Variants in RADIL observed in about 807,000 individuals in gnomAD.
RADIL encodes the protein Rap associating with DIL domain, also known as ras-associating and dilute domain-containing protein.
A neutral mutation model predicts 97.6 loss-of-function variants in RADIL; 99 were observed. The ratio of observed to expected loss-of-function variants is 1.01; its 90% confidence interval spans 0.86 to 1.20. The LOEUF is 1.20. Among genes scored for constraint, RADIL ranks in the 50% most tolerant of loss-of-function variants. The pLI is 0.00. For missense variants in RADIL, 1,765 were observed against 1,498.9 expected (o/e 1.18, Z -2.93); for synonymous variants, 803 against 691.8 (o/e 1.16, Z -2.52).
chr7:4,848,511 C>T (rs1365765503), intron 2 of RADIL, among the ~76,000 whole-genome samples: 1 of 151,462 alleles, frequency 6.6e-6, no homozygotes, highest in Non-Finnish European at 1.5e-5. Flanking sequence ...TAAGGGAATG[C>T]GGAAATAATG....
In RADIL at chr7:4,880,794, C is replaced by T. The variant is rs1005541607; in HGVS notation, c.-64-2591G>A. Reference sequence around the variant, plus strand: ...AATACGATACCAAAAACTGGGGAAGCCCCCTCCAGGCAGGAGAAAGCCCAT... The same window carrying T: ...AATACGATACCAAAAACTGGGGAAGTCCCCTCCAGGCAGGAGAAAGCCCAT... On this transcript the variant is annotated intron_variant, in intron 1 of 14. Transcript: ENST00000399583. The surrounding 1 kb of genome is among the most constrained non-coding windows in gnomAD (Gnocchi z 4.5). Among the ~76,000 whole-genome samples, 2 of 152,166 alleles carry T rather than the reference C, an allele frequency of 1.3e-5. No homozygotes were observed. Among genetic ancestry groups the T allele is most frequent in the Admixed American group, 1.3e-4 (2 of 15,270 alleles).
chr7:4,806,307 G>A (rs1782306765), intron 9 of RADIL, among the ~76,000 whole-genome samples: 1 of 152,032 alleles, frequency 6.6e-6, no homozygotes, highest in Non-Finnish European at 1.5e-5. Context: ...GCACCATTAT[G>A]TCCAGCTCAT....
chr7:4,881,372 G>A (rs1482250043), intron 1 of RADIL, among the ~76,000 whole-genome samples: 1 of 142,274 alleles, frequency 7.0e-6, no homozygotes, highest in Admixed American at 7.4e-5. Context: ...CCAAGATCAT[G>A]CCACTGCACT....
intron 5 of RADIL, among the ~76,000 whole-genome samples, chr7:4,825,045 C>T (rs1209430640): frequency 6.6e-6 from 1 of 152,182 alleles, no homozygotes; most frequent in African/African-American, 2.4e-5. Flanking sequence ...CCAGCCCATC[C>T]TACCCAGGCC....
chr7:4,808,030 T>C (rs1048306638), intron 9 of RADIL, among the ~76,000 whole-genome samples: 4 of 65,478 alleles, frequency 6.1e-5, no homozygotes, highest in South Asian at 9.3e-4. Context: ...CCCTCCATCT[T>C]TCTCCGCTCC....
At chr7:4,836,292 C>A in intron 3 of RADIL, 66 bp downstream of exon 3, 3 of 1,547,072 alleles carry the variant, frequency 1.9e-6, no homozygotes, top group East Asian at 2.4e-5. Flanking sequence ...GAGGCCTTGA[C>A]TTCTGAGTCC....
chr7:4,799,893 G>A (rs75154011), intron 13 of RADIL, 124 bp from the exon 14 acceptor site: 17,520 of 1,351,414 alleles, frequency 0.013, 202 homozygotes, highest in South Asian at 0.035. Context: ...CCCACTCATG[G>A]TTTCACGCGT....
intron 9 of RADIL, chr7:4,809,015 TGCCCCCCCTTGTCCCCTTCCGACG>T (rs1782453342): frequency 4.6e-6 from 2 of 433,288 alleles, no homozygotes; most frequent in African/African-American, 1.3e-4. Flanking sequence ...CCGACGCCAC[TGCCCCCCCTTGTCCCCTTCCGACG>T]CCACTGCCCC....
In RADIL at chr7:4,813,074, T is replaced by TTCTCTC. The variant is rs201029653; in HGVS notation, c.2139+2198_2139+2203dup. On this transcript the variant is annotated intron_variant, in intron 9 of 14. Coordinates refer to ENST00000399583, the MANE Select transcript of RADIL (RefSeq NM_018059.5). This position sits in a 1 kb window ranked among gnomAD's most constrained non-coding sequence, Gnocchi z 5.0. ...TTCATCCTTACCCCAAGGTTCTTCT[T>TTCTCTC]TCTCTCTCTCTCTCTCTCTCTCTCT... Among the ~76,000 whole-genome samples, 146 of 147,794 alleles carry TTCTCTC rather than the reference T, an allele frequency of 9.9e-4. 1 individual carries two copies. Among genetic ancestry groups the TTCTCTC allele is most frequent in the East Asian group, 3.0e-3 (15 of 5,052 alleles).
intron 11 of RADIL, among the ~76,000 whole-genome samples, chr7:4,803,292 G>A (rs1316046276): frequency 1.0e-5 from 1 of 100,108 alleles, no homozygotes; most frequent in African/African-American, 4.7e-5. Context: ...CTCGGGGCAC[G>A]CTGGCTGGGT....
chr7:4,797,343 AG>A lies in RADIL; in HGVS notation c.*2034del, dbSNP rs141895466. The A allele has an allele frequency of 0.017, 2,546 of 152,380 alleles. 34 individuals are homozygous for A. The highest frequency in any genetic ancestry group is 0.058 in the Middle Eastern group (17 of 294). The allele number at this position is 152,380 out of a possible 1,614,324, so 9.4% of individuals were successfully genotyped here. A position where few individuals can be genotyped will look rare whatever the true frequency, so the allele number is the denominator to read the frequency against. On this transcript the variant is annotated 3_prime_UTR_variant, in exon 15 of 15. Coordinates refer to ENST00000399583, the MANE Select transcript of RADIL (RefSeq NM_018059.5). ...TGAAAATAGAAACCAAAGGCCCTTC[AG>A]TCTGGCTTGGAAGGTCCCAGAATAT...
intron 14 of RADIL, 60 bp from the exon 15 acceptor site, chr7:4,799,543 G>A (rs1782004529): frequency 1.2e-6 from 2 of 1,612,530 alleles, no homozygotes; most frequent in Non-Finnish European, 1.7e-6. Context: ...CCCACAGGGT[G>A]CAGCCGGGCC....
rs60509640 is a variant in RADIL at position 4,815,593 on chromosome 7, G to C, written c.1967-143C>G. 15,505 of 937,598 alleles carry C rather than the reference G, an allele frequency of 0.017. 1,631 individuals are homozygous for C. In the African/African-American group the frequency reaches 0.23, roughly 14 times the overall value. The allele number at this position is 937,598 out of a possible 1,614,324, so 58.1% of individuals were successfully genotyped here. A position where few individuals can be genotyped will look rare whatever the true frequency, so the allele number is the denominator to read the frequency against. On this transcript the variant is annotated intron_variant, in intron 8 of 14. Transcript: ENST00000399583. This position sits in a 1 kb window ranked among gnomAD's most constrained non-coding sequence, Gnocchi z 8.0. ...GATGACAGGCAGGACACCTTCCCTC[G>C]GTTTTCAAGGCAACTGACCAGCCTT...
At chr7:4,803,279 C>T (rs561851150) in intron 11 of RADIL, among the ~76,000 whole-genome samples, 6 of 108,010 alleles carry the variant, frequency 5.6e-5, no homozygotes, top group Admixed American at 1.7e-4. Flanking sequence ...CCTCCCCGGG[C>T]ACCTCGGGGC....
intron 9 of RADIL, among the ~76,000 whole-genome samples, chr7:4,806,270 C>A (rs139168182): frequency 7.5e-4 from 115 of 152,332 alleles, no homozygotes; most frequent in African/African-American, 2.7e-3. Flanking sequence ...CCACCTCAGC[C>A]TCCTGAGTAG....
Position 4,801,863 on chromosome 7 carries a change from G to C in RADIL, c.2632C>G (p.Gln878Glu), listed in dbSNP as rs368577422. 1.5e-4 allele frequency: 241 copies of C among 1,592,896 alleles called. 1 individual carries two copies. The African/African-American group carries it at 2.5e-3, about 17-fold the overall frequency. ...CTGGGTTGCCTTCCAGGGGGGGCCTGTGCCCAGGGAGCCCCCCTCAAGGGA... is the reference window on the plus strand; with the variant it reads ...CTGGGTTGCCTTCCAGGGGGGGCCTCTGCCCAGGGAGCCCCCCTCAAGGGA... ...TLPLRGAPWA[Q>E]APPGRQPSRG... The change falls in exon 12 of 15, where the codon CAG (glutamine) becomes GAG (glutamate). Residue 878 changes from glutamine (Q) to glutamate (E), a missense_variant. Coordinates refer to ENST00000399583, the MANE Select transcript of RADIL (RefSeq NM_018059.5).
chr7:4,817,729 C>T lies in RADIL; in HGVS notation c.1616-378G>A, dbSNP rs1331789470. Among the ~76,000 whole-genome samples the T allele has an allele frequency of 7.2e-5, 11 of 152,190 alleles. No individual in the cohort carries two copies. Among genetic ancestry groups the T allele is most frequent in the African/African-American group, 4.8e-5 (2 of 41,440 alleles). On this transcript the variant is annotated intron_variant, in intron 6 of 14. Transcript: ENST00000399583. This position sits in a 1 kb window ranked among gnomAD's most constrained non-coding sequence, Gnocchi z 8.3. Reference sequence around the variant, plus strand: ...CACAGGTCACCTCTCACTCGCGACACGGGTCACAGGACTCTGGCAGCAGCC... The same window carrying T: ...CACAGGTCACCTCTCACTCGCGACATGGGTCACAGGACTCTGGCAGCAGCC...
At chr7:4,809,369 G>A (rs779340441) in intron 9 of RADIL, 194 of 984,576 alleles carry the variant, frequency 2.0e-4, no homozygotes, top group Non-Finnish European at 2.3e-4. Context: ...ATCCCCGCCC[G>A]GCTGAGCGGG....
chr7:4,865,184 A>G (rs1354568940), intron 2 of RADIL, among the ~76,000 whole-genome samples: 1 of 152,178 alleles, frequency 6.6e-6, no homozygotes, highest in Non-Finnish European at 1.5e-5. Flanking sequence ...TCACCTCTTG[A>G]GAGTGAATTT....
Sources: gnomAD v4.1 joint callset for allele counts (sites outside exome capture counted in the v4.1 genomes callset) on GRCh38, gnomAD v4.1.1 for gene constraint, Gnocchi (gnomAD v3.1) non-coding constraint, MANE v1.5 for transcripts, NCBI Gene and HGNC (gene_info 2026-07-23, HGNC 2026-07-21) for gene names.